The following TAF4 variants were observed in gnomAD, a reference collection of about 807,000 sequenced individuals.
TAF4 encodes the protein TATA-box binding protein associated factor 4.
TAF4 carries 9 observed loss-of-function variants against 90.3 expected under a neutral mutation model. That is an observed-to-expected ratio of 0.10 (90% CI 0.06 to 0.17). The LOEUF (loss-of-function observed/expected upper bound fraction) is 0.17. Among genes scored for constraint, TAF4 ranks in the 10% least tolerant of loss-of-function variants. The probability of loss-of-function intolerance (pLI) is 1.00; values close to 1 mark genes in which losing one functional copy is unlikely to be tolerated. For synonymous variants in TAF4, 818 were observed against 638.9 expected, an observed-to-expected ratio of 1.28 and a Z score of -4.23; for missense variants, 1,351 against 1,370.7, an observed-to-expected ratio of 0.99 and a Z score of 0.23.
chr20:61,987,989 C>T (rs781140145), intron 14 of TAF4, among the ~76,000 whole-genome samples: 41 of 152,276 alleles, frequency 2.7e-4, no homozygotes, highest in Middle Eastern at 6.8e-3. Context: ...TGCATAATTT[C>T]AACCACATGA....
At chr20:62,043,924 A>G (rs2055978337) in intron 1 of TAF4, among the ~76,000 whole-genome samples, 3 of 152,178 alleles carry the variant, frequency 2.0e-5, no homozygotes, top group Non-Finnish European at 4.4e-5. Context: ...TTCTAAGCCC[A>G]CTGCAGGCTG....
chr20:61,977,076 CCACA>C (rs981599671), intron 14 of TAF4, among the ~76,000 whole-genome samples: 7 of 150,182 alleles, frequency 4.7e-5, no homozygotes, highest in Admixed American at 2.0e-4. Flanking sequence ...GGGGCACACG[CCACA>C]CACACGACAC....
chr20:62,013,019 T>G, intron 2 of TAF4, 85 bp from the exon 3 acceptor site: 2 of 1,559,524 alleles, frequency 1.3e-6, no homozygotes, highest in African/African-American at 1.4e-5. Context: ...TCCTTCCATA[T>G]GTAACTAGTA....
chr20:62,050,660 G>A (rs961706169), intron 1 of TAF4, among the ~76,000 whole-genome samples: 4 of 152,172 alleles, frequency 2.6e-5, no homozygotes, highest in South Asian at 2.1e-4. Context: ...ACAGGGCTCC[G>A]GAACAGCAGA....
chr20:62,007,635 T>A lies in TAF4; in HGVS notation c.1886A>T (p.Asp629Val). 6.3e-7 allele frequency: 1 copy of A among 1,598,392 alleles called. No homozygotes were observed. The highest frequency in any genetic ancestry group is 8.5e-7 in the Non-Finnish European group (1 of 1,172,462). ...NVKELVQNLL[D>V]GKIEAEDFTS... ...GAAATCTTCTGCTTCTATTTTTCCA[T>A]CCTTAAAAATAAAATCCATGTTGAA... Residue 629 changes from aspartate to valine, a missense_variant and splice_region_variant, in exon 6 of 15, where the codon GAT (aspartate) becomes GTT (valine). Physicochemically the swap from Asp to Val is radical, Grantham distance 152. Transcript: ENST00000252996.
chr20:62,033,239 C>A (rs545704791), intron 1 of TAF4, among the ~76,000 whole-genome samples: 1 of 152,120 alleles, frequency 6.6e-6, no homozygotes, highest in Non-Finnish European at 1.5e-5. Context: ...CATGAAGCAA[C>A]AAGGGGAGCC....
chr20:61,997,520 C>A (rs766534845), intron 14 of TAF4, 30 bp downstream of exon 14: 2 of 1,540,984 alleles, frequency 1.3e-6, no homozygotes, highest in South Asian at 1.3e-5. Context: ...ATGTTTCCCC[C>A]AGGACCTCGA....
chr20:61,994,177 C>T (rs1399175806), intron 14 of TAF4, among the ~76,000 whole-genome samples: 2 of 151,844 alleles, frequency 1.3e-5, no homozygotes, highest in Admixed American at 6.6e-5. Flanking sequence ...TCTAAGTGCT[C>T]TTCTCGATAT....
intron 1 of TAF4, among the ~76,000 whole-genome samples, chr20:62,043,739 G>A (rs549170784): frequency 3.9e-5 from 6 of 152,336 alleles, no homozygotes; most frequent in South Asian, 2.1e-4. Flanking sequence ...CCAGGAGCCA[G>A]GGGCCGCACC....
intron 1 of TAF4, among the ~76,000 whole-genome samples, chr20:62,063,926 G>T (rs569428817): frequency 1.3e-5 from 2 of 152,340 alleles, no homozygotes; most frequent in East Asian, 3.9e-4. Flanking sequence ...CCCCGTCCTC[G>T]CCTGGAGACT....
chr20:61,993,792 A>G (rs2055646601), intron 14 of TAF4, among the ~76,000 whole-genome samples: 1 of 152,042 alleles, frequency 6.6e-6, no homozygotes, highest in Non-Finnish European at 1.5e-5. Context: ...TCGCTCTGTC[A>G]CCCAGGCTAG....
chr20:62,019,621 C>T (rs543681057), intron 1 of TAF4, among the ~76,000 whole-genome samples: 41 of 152,294 alleles, frequency 2.7e-4, no homozygotes, highest in African/African-American at 7.5e-4. Context: ...TCCTCCAAAG[C>T]CTGGCCAGTG....
Position 62,064,754 on chromosome 20 carries a change from C to A in TAF4, c.1057G>T (p.Ala353Ser). Reference protein sequence around the residue: ...KAESPKRVVQAAPPAAQTLAA... With the variant: ...KAESPKRVVQSAPPAAQTLAA... The stretch of plus-strand genomic sequence containing the variant: ...AGGGTCTGCGCCGCCGGGGGCGCCG[C>A]CTGCACCACCCTCTTGGGCGACTCG... Residue 353 changes from alanine (A) to serine (S), a missense_variant, in exon 1 of 15, where the codon GCG becomes TCG. This residue lies in a region of TAF4 where 782 missense variants were observed against 536.6 expected (regional missense o/e 1.46). Coordinates refer to ENST00000252996, the MANE Select transcript of TAF4 (RefSeq NM_003185.4). 1 of 1,160,962 alleles carries A rather than the reference C, an allele frequency of 8.6e-7. No individual in the cohort carries two copies. Among genetic ancestry groups the A allele is most frequent in the Non-Finnish European group, 1.1e-6 (1 of 946,312 alleles). The allele number at this position is 1,160,962 out of a possible 1,614,324, so 71.9% of individuals were successfully genotyped here. A position where few individuals can be genotyped will look rare whatever the true frequency, so the allele number is the denominator to read the frequency against.
chr20:62,000,827 G>A, intron 9 of TAF4, 106 bp from the exon 10 acceptor site: 2 of 1,272,050 alleles, frequency 1.6e-6, no homozygotes, highest in Non-Finnish European at 2.2e-6. Flanking sequence ...GGGCCGTGAG[G>A]AGGCCAGGCC....
At chr20:61,996,795 CAAAA>C (rs752885979) in intron 14 of TAF4, among the ~76,000 whole-genome samples, 1 of 79,166 alleles carries the variant, frequency 1.3e-5, no homozygotes. Flanking sequence ...AAGACTGTCT[CAAAA>C]AAAAAAAAAA....
chr20:62,003,764 G>A lies in TAF4; in HGVS notation c.2338C>T (p.Pro780Ser). ...QPHNRIMLTT[P>S]QQIQLNPLQP... ...AGTGGGTTCAGCTGGATCTGCTGAG[G>A]CGTGGTGAGCATGATCCGGTTGTGA... Residue 780 changes from proline to serine, a missense_variant, in exon 8 of 15, where the codon CCT becomes TCT. Transcript: ENST00000252996. The A allele has an allele frequency of 6.2e-7, 1 of 1,606,648 alleles. No homozygotes were observed. Among genetic ancestry groups the A allele is most frequent in the Non-Finnish European group, 8.5e-7 (1 of 1,178,984 alleles).
intron 14 of TAF4, among the ~76,000 whole-genome samples, chr20:61,986,067 AATCAAAGGAAACACCATCCCCC>A (rs2055590406): frequency 1.3e-4 from 8 of 60,376 alleles, no homozygotes; most frequent in Non-Finnish European, 1.5e-4. Flanking sequence ...CACCATCCCC[AATCAAAGGAAACACCATCCCCC>A]ATCAAAGGAA....
chr20:62,012,771 C>T lies in TAF4; in HGVS notation c.1641+44G>A, dbSNP rs369199952. ...TCTCTGCATCAAAGAAATCACACTT[C>T]GTGGCCCCTGCAGCCTCAAGAGATC... is the stretch of plus-strand genomic sequence containing the variant. On this transcript the variant is annotated intron_variant, in intron 3 of 14. Transcript: ENST00000252996. 3.1e-4 allele frequency: 486 copies of T among 1,565,974 alleles called. 3 individuals carry two copies. The African/African-American group carries it at 5.5e-3, about 18-fold the overall frequency.
intron 14 of TAF4, among the ~76,000 whole-genome samples, chr20:61,987,821 G>A (rs1184038372): frequency 6.6e-6 from 1 of 152,198 alleles, no homozygotes; most frequent in Non-Finnish European, 1.5e-5. Flanking sequence ...AAGCAGCCAC[G>A]ATGTGCTTCA....
Sources: allele counts gnomAD v4.1 joint callset (sites outside exome capture counted in the v4.1 genomes callset), GRCh38; gene constraint gnomAD v4.1.1; regional missense constraint gnomAD v4.1.1; transcripts MANE v1.5; gene names NCBI Gene and HGNC (gene_info 2026-07-23, HGNC 2026-07-21).